The following PRKD1 variants were observed in gnomAD, a reference collection of about 807,000 sequenced individuals.
PRKD1 encodes the protein protein kinase D1, also known as serine/threonine-protein kinase D1.
In PRKD1, 63 loss-of-function variants were observed where a neutral mutation model predicts 95.9. That is an observed-to-expected ratio of 0.66 (90% CI 0.54 to 0.81). The LOEUF (loss-of-function observed/expected upper bound fraction) is 0.81. Among genes scored for constraint, PRKD1 ranks in the 30% least tolerant of loss-of-function variants. The pLI is 0.00. For synonymous variants in PRKD1, 425 were observed against 423.1 expected, an observed-to-expected ratio of 1.00 and a Z score of -0.05; for missense variants, 1,048 against 1,165.3, an observed-to-expected ratio of 0.90 and a Z score of 1.47.
chr14:29,818,904 C>A (rs1319965417), intron 1 of PRKD1, among the ~76,000 whole-genome samples: 1 of 151,638 alleles, frequency 6.6e-6, no homozygotes, highest in Non-Finnish European at 1.5e-5. Flanking sequence ...ATAGTAATAA[C>A]CCATTAGTAC....
At chr14:29,712,875 C>T (rs188783982) in intron 2 of PRKD1, among the ~76,000 whole-genome samples, 19 of 152,148 alleles carry the variant, frequency 1.2e-4, no homozygotes, top group East Asian at 7.7e-4. Flanking sequence ...AAGTGCTATG[C>T]GCCACCAATC....
At chr14:29,662,099 A>G (rs1882221847) in intron 4 of PRKD1, among the ~76,000 whole-genome samples, 1 of 152,150 alleles carries the variant, frequency 6.6e-6, no homozygotes, top group Non-Finnish European at 1.5e-5. Flanking sequence ...AAGTTGGTTT[A>G]AAAACACAAA....
Position 29,598,971 on chromosome 14 carries a change from T to C in PRKD1, c.2166+56A>G, listed in dbSNP as rs1893412432. On this transcript the variant is annotated intron_variant, in intron 15 of 17. Coordinates refer to ENST00000331968, the MANE Select transcript of PRKD1 (RefSeq NM_002742.3). ...AAATGGAAGGTGACAAGATGCTACA[T>C]GGAAGCTAGCAATGCTTCCAACTGG... 12 of 1,394,462 alleles carry C rather than the reference T, an allele frequency of 8.6e-6. No individual in the cohort carries two copies. In the East Asian group the frequency reaches 2.3e-4, roughly 27 times the overall value. 86.4% of individuals were successfully genotyped at this position (1,394,462 alleles called of 1,614,324 possible). A position where few individuals can be genotyped will look rare whatever the true frequency, so the allele number is the denominator to read the frequency against.
intron 11 of PRKD1, among the ~76,000 whole-genome samples, chr14:29,627,804 T>C (rs1879723472): frequency 6.6e-6 from 1 of 152,194 alleles, no homozygotes; most frequent in Admixed American, 6.5e-5. Flanking sequence ...GTTGTATCCA[T>C]CCTGTGATTC....
rs558540772 is a variant in PRKD1, at chr14:29,760,393, T to C, written c.265-34719A>G. Among the ~76,000 whole-genome samples, 7 of 149,490 alleles carry C rather than the reference T, an allele frequency of 4.7e-5. No individual in the cohort carries two copies. In the South Asian group the frequency reaches 1.5e-3, roughly 32 times the overall value. ...TTTTTTAAGGCTGAGTCTTGCTCCGTTGTGCAGGCTGGAGTGCAGTGGCAC... is the reference window on the plus strand; with the variant it reads ...TTTTTTAAGGCTGAGTCTTGCTCCGCTGTGCAGGCTGGAGTGCAGTGGCAC... On this transcript the variant is annotated intron_variant, in intron 1 of 17. Transcript: ENST00000331968.
chr14:29,874,410 G>A (rs1368352389), intron 1 of PRKD1, among the ~76,000 whole-genome samples: 1 of 152,150 alleles, frequency 6.6e-6, no homozygotes, highest in African/African-American at 2.4e-5. Context: ...ACGGAAAACA[G>A]TATGAAGATT....
intron 1 of PRKD1, among the ~76,000 whole-genome samples, chr14:29,922,944 C>T (rs973444388): frequency 2.0e-5 from 3 of 151,830 alleles, no homozygotes; most frequent in Non-Finnish European, 4.4e-5. Context: ...ATAGGCCAGG[C>T]CCAGTGGCTC....
chr14:29,889,160 T>C (rs1349765351), intron 1 of PRKD1, among the ~76,000 whole-genome samples: 1 of 152,086 alleles, frequency 6.6e-6, no homozygotes, highest in Non-Finnish European at 1.5e-5. Context: ...GCGTCTAAAG[T>C]TCAAGACATA....
At chr14:29,753,169 AACAG>A (rs1263435260) in intron 1 of PRKD1, among the ~76,000 whole-genome samples, 1 of 152,204 alleles carries the variant, frequency 6.6e-6, no homozygotes. Context: ...TGAGATTAAA[AACAG>A]ACAAAGAGAA....
chr14:29,826,768 TAC>T lies in PRKD1; in HGVS notation c.264+100479_264+100480del, dbSNP rs1202885669. On this transcript the variant is annotated intron_variant, in intron 1 of 17. Transcript: ENST00000331968. ...ACACATATATATATACATATATATATACACATATATATACATATATACACATA... is the reference window on the plus strand; with the variant it reads ...ACACATATATATATACATATATATATACATATATATACATATATACACATA... Among the ~76,000 whole-genome samples the T allele has an allele frequency of 4.5e-3, 157 of 35,042 alleles. 3 individuals are homozygous for T. The highest frequency in any genetic ancestry group is 5.6e-3 in the Non-Finnish European group (104 of 18,652). 23.0% of individuals were successfully genotyped at this position (35,042 alleles called of 152,430 possible).
intron 1 of PRKD1, among the ~76,000 whole-genome samples, chr14:29,843,534 C>A (rs1566632101): frequency 6.6e-6 from 1 of 152,260 alleles, no homozygotes; most frequent in East Asian, 1.9e-4. Flanking sequence ...TTTACAGAGT[C>A]TCTAAAACCA....
intron 1 of PRKD1, among the ~76,000 whole-genome samples, chr14:29,760,359 T>G (rs1161031313): frequency 6.7e-6 from 1 of 149,334 alleles, no homozygotes; most frequent in East Asian, 1.9e-4. Flanking sequence ...CTTTTTTTTT[T>G]TTTTTTTTTT....
At chr14:29,718,668 C>T (rs1276819646) in intron 2 of PRKD1, among the ~76,000 whole-genome samples, 1 of 152,130 alleles carries the variant, frequency 6.6e-6, no homozygotes, top group African/African-American at 2.4e-5. Flanking sequence ...AAGAAAATTG[C>T]AACTGAAGTT....
intron 2 of PRKD1, among the ~76,000 whole-genome samples, chr14:29,719,850 G>A (rs963365779): frequency 6.6e-6 from 1 of 152,142 alleles, no homozygotes; most frequent in Non-Finnish European, 1.5e-5. Context: ...ACCCAGAGGA[G>A]TATCTGTAGA....
chr14:29,887,289 T>TC (rs1893745734), intron 1 of PRKD1, among the ~76,000 whole-genome samples: 1 of 152,144 alleles, frequency 6.6e-6, no homozygotes, highest in African/African-American at 2.4e-5. Context: ...ACAAAGATGG[T>TC]CAAGTCTAGA....
chr14:29,913,304 C>G (rs1894784546), intron 1 of PRKD1, among the ~76,000 whole-genome samples: 1 of 151,976 alleles, frequency 6.6e-6, no homozygotes, highest in Non-Finnish European at 1.5e-5. Context: ...GGTTTTTTGG[C>G]CAAAAGGTAA....
chr14:29,650,516 G>A (rs1881425794), intron 4 of PRKD1: 1 of 152,304 alleles, frequency 6.6e-6, no homozygotes, highest in South Asian at 2.1e-4. Context: ...TCCAGTCCCG[G>A]GTTTCAGCAC....
At chr14:29,878,126 C>A (rs1893368520) in intron 1 of PRKD1, among the ~76,000 whole-genome samples, 1 of 151,984 alleles carries the variant, frequency 6.6e-6, no homozygotes, top group African/African-American at 2.4e-5. Flanking sequence ...AACAGATGAA[C>A]AACAGACACT....
intron 1 of PRKD1, among the ~76,000 whole-genome samples, chr14:29,915,401 C>T (rs1263545908): frequency 3.3e-5 from 5 of 152,214 alleles, no homozygotes; most frequent in South Asian, 2.1e-4. Flanking sequence ...TACAATTAGA[C>T]GTACTATAGA....
Sources: gnomAD v4.1 joint callset for allele counts (sites outside exome capture counted in the v4.1 genomes callset) on GRCh38, gnomAD v4.1.1 for gene constraint, MANE v1.5 for transcripts, NCBI Gene and HGNC (gene_info 2026-07-23, HGNC 2026-07-21) for gene names.